SLC2A9: variants seen among roughly 807,000 people sequenced by gnomAD.
SLC2A9 encodes the protein solute carrier family 2 member 9, also known as solute carrier family 2, facilitated glucose transporter member 9.
In SLC2A9, 39 loss-of-function variants were observed where a neutral mutation model predicts 50.6. That is an observed-to-expected ratio of 0.77 (90% CI 0.60 to 1.01). The LOEUF (loss-of-function observed/expected upper bound fraction) is 1.01, where lower values mean the gene tolerates loss of function less well. SLC2A9 is among the 50% of genes least tolerant of loss of function. The pLI, the probability that SLC2A9 is intolerant of heterozygous loss-of-function variation, is 0.00. For synonymous variants in SLC2A9, 324 were observed against 276.9 expected, an observed-to-expected ratio of 1.17 and a Z score of -1.69; for missense variants, 686 against 677.6, an observed-to-expected ratio of 1.01 and a Z score of -0.14.
intron 10 of SLC2A9, among the ~76,000 whole-genome samples, chr4:9,836,886 A>G (rs1727198989): frequency 6.6e-6 from 1 of 152,226 alleles, no homozygotes; most frequent in South Asian, 2.1e-4. Flanking sequence ...CAATTGCTCC[A>G]TTGAGGTAAA....
intron 5 of SLC2A9, among the ~76,000 whole-genome samples, chr4:9,967,065 G>T (rs2108978975): frequency 6.6e-6 from 1 of 152,232 alleles, no homozygotes; most frequent in Admixed American, 6.5e-5. Flanking sequence ...GGGAACTTTA[G>T]AACTCTTTCC....
chr4:9,996,780 C>T lies in SLC2A9; in HGVS notation c.410+1G>A, dbSNP rs780234158. 1.2e-6 allele frequency: 2 copies of T among 1,613,552 alleles called. No homozygotes were observed. Among genetic ancestry groups the T allele is most frequent in the African/African-American group, 1.3e-5 (1 of 75,028 alleles). ...CCAGATAGAGACAGCCTCCTACTGA[C>T]CTCCCAAGAACCTTTCCAATCATCT... On this transcript the variant is annotated splice_donor_variant, in intron 3 of 11. Transcript: ENST00000264784. LOFTEE classifies it high-confidence loss of function.
intron 3 of SLC2A9, among the ~76,000 whole-genome samples, chr4:9,989,339 C>A (rs1757287899): frequency 6.6e-6 from 1 of 152,186 alleles, no homozygotes; most frequent in Admixed American, 6.5e-5. Context: ...GGTTAAGGCT[C>A]CCCTGCACTG....
chr4:9,960,474 C>T (rs1214193013), intron 5 of SLC2A9, among the ~76,000 whole-genome samples: 1 of 152,060 alleles, frequency 6.6e-6, no homozygotes, highest in Non-Finnish European at 1.5e-5. Flanking sequence ...GTGGCCCAGC[C>T]CCTTAAGGGT....
intron 2 of SLC2A9, among the ~76,000 whole-genome samples, chr4:10,009,985 T>A (rs1578320467): frequency 6.6e-6 from 1 of 152,242 alleles, no homozygotes; most frequent in East Asian, 1.9e-4. Context: ...CTTGAGTTAT[T>A]CATGGCAGAC....
intron 4 of SLC2A9, among the ~76,000 whole-genome samples, chr4:9,983,915 C>T (rs1275815545): frequency 6.6e-6 from 1 of 152,172 alleles, no homozygotes; most frequent in Non-Finnish European, 1.5e-5. Flanking sequence ...CACCCTTAAC[C>T]ACTTTCCTGC....
intron 5 of SLC2A9, 132 bp from the exon 6 acceptor site, chr4:9,942,177 G>C: frequency 8.8e-7 from 1 of 1,139,592 alleles, no homozygotes; most frequent in Non-Finnish European, 1.3e-6. Flanking sequence ...AACAAAGGCT[G>C]AGGGAAGGAA....
At chr4:9,847,233 C>A (rs911633986) in intron 10 of SLC2A9, among the ~76,000 whole-genome samples, 3 of 152,114 alleles carry the variant, frequency 2.0e-5, no homozygotes, top group African/African-American at 7.2e-5. Context: ...GCTGGAGAAG[C>A]CTGAGGAAAC....
chr4:9,810,188 C>T (rs1722694778), intron 3 of SLC2A9, among the ~76,000 whole-genome samples: 1 of 151,756 alleles, frequency 6.6e-6, no homozygotes, highest in African/African-American at 2.4e-5. Context: ...TCTTCTTTAC[C>T]ACCATATGTC....
chr4:10,005,986 G>A (rs907029474), intron 2 of SLC2A9, among the ~76,000 whole-genome samples: 1 of 152,204 alleles, frequency 6.6e-6, no homozygotes, highest in Non-Finnish European at 1.5e-5. Flanking sequence ...TGAAGATACA[G>A]CACAGTGCTG....
intron 2 of SLC2A9, among the ~76,000 whole-genome samples, chr4:9,999,172 C>T (rs1156353659): frequency 1.3e-5 from 2 of 151,172 alleles, no homozygotes; most frequent in Non-Finnish European, 3.0e-5. Context: ...TTCAGCCTCC[C>T]GAGTAGCTGA....
chr4:9,801,076 C>T (rs1039217687), intron 3 of SLC2A9, among the ~76,000 whole-genome samples: 2 of 152,092 alleles, frequency 1.3e-5, no homozygotes, highest in South Asian at 2.1e-4. Flanking sequence ...CCTGCTTCTA[C>T]CACATGTGTA....
At chr4:10,029,112 T>C (rs1009415059) in intron 1 of SLC2A9, 4 of 152,228 alleles carry the variant, frequency 2.6e-5, no homozygotes, top group African/African-American at 4.8e-5. Flanking sequence ...GTCTCCTCTA[T>C]TGGACAGATC....
chr4:9,853,175 C>CAA lies in SLC2A9; in HGVS notation c.1292-18169_1292-18168dup, dbSNP rs35342884. ...TGGGCAACAGAGTGAAACTCCCTCT[C>CAA]AAAAAAAAAAAAAAAAAAGGCACAG... is the stretch of plus-strand genomic sequence containing the variant. On this transcript the variant is annotated intron_variant, in intron 10 of 11. Transcript: ENST00000264784. Among the ~76,000 whole-genome samples, 413 of 79,426 alleles carry CAA rather than the reference C, an allele frequency of 5.2e-3. 2 individuals are homozygous for CAA. The highest frequency in any genetic ancestry group is 0.012 in the African/African-American group (322 of 25,864). 52.1% of individuals were successfully genotyped at this position (79,426 alleles called of 152,430 possible). A position where few individuals can be genotyped will look rare whatever the true frequency, so the allele number is the denominator to read the frequency against.
exon 2 of SLC2A9, chr4:9,771,356 T>A: frequency 2.5e-6 from 1 of 395,222 alleles, no homozygotes; most frequent in East Asian, 3.6e-5. Context: ...GTCTGCCTTC[T>A]TGACATGAGG....
intron 10 of SLC2A9, among the ~76,000 whole-genome samples, chr4:9,886,011 T>C (rs1379152080): frequency 6.6e-6 from 1 of 152,164 alleles, no homozygotes; most frequent in Non-Finnish European, 1.5e-5. Flanking sequence ...AATGCTATGA[T>C]GGGTGATGAG....
At chr4:9,814,415 G>A (rs1211895581) in intron 3 of SLC2A9, among the ~76,000 whole-genome samples, 2 of 152,338 alleles carry the variant, frequency 1.3e-5, no homozygotes, top group East Asian at 3.9e-4. Flanking sequence ...GATCCAAGAA[G>A]TGCTAAAAAA....
chr4:9,852,166 G>A lies in SLC2A9; in HGVS notation c.1292-17158C>T, dbSNP rs747976074. ...AGAGAAGAGGCAGGACACCAACAAA[G>A]TGAACCCCGTCAGGCTAACAGTGGA... On this transcript the variant is annotated intron_variant, in intron 10 of 11. Transcript: ENST00000264784. Among the ~76,000 whole-genome samples the A allele has an allele frequency of 4.6e-4, 70 of 152,094 alleles. No homozygotes were observed. In the Middle Eastern group the frequency reaches 0.027, roughly 60 times the overall value.
intron 9 of SLC2A9, 143 bp downstream of exon 9, chr4:9,890,467 G>A: frequency 1.2e-6 from 1 of 809,822 alleles, no homozygotes; most frequent in South Asian, 1.5e-5. Context: ...AGCAGCTCCA[G>A]AGATGAGATG....
Sources: allele counts gnomAD v4.1 joint callset (sites outside exome capture counted in the v4.1 genomes callset), GRCh38; gene constraint gnomAD v4.1.1; transcripts MANE v1.5; gene names NCBI Gene and HGNC (gene_info 2026-07-23, HGNC 2026-07-21).